The following RDH12 variants were observed in gnomAD, a reference collection of about 807,000 sequenced individuals.
RDH12 encodes retinol dehydrogenase 12, also known as all-trans and 9-cis retinol dehydrogenase.
In RDH12, 21 loss-of-function variants were observed where a neutral mutation model predicts 34.0. The ratio of observed to expected loss-of-function variants is 0.62; its 90% confidence interval spans 0.44 to 0.89. RDH12 has a LOEUF of 0.89. Ranked by LOEUF, RDH12 falls within the 40% of genes least tolerant of loss-of-function variation. RDH12 has a pLI of 0.00. For synonymous variants in RDH12, 198 were observed against 169.9 expected (o/e 1.17, Z -1.29); for missense variants, 394 against 398.6 (o/e 0.99, Z 0.10).
chr14:67,727,615 TG>T (rs538754424), intron 7 of RDH12: 40 of 238,708 alleles, frequency 1.7e-4, no homozygotes, highest in Middle Eastern at 1.6e-3. Context: ...CTTGAGTAGT[TG>T]GGATTACAAG....
At position 67,706,452 on chromosome 14, in the gene RDH12, A is replaced by C. The variant is rs2037951340; in HGVS notation, c.-275+4517A>C. 3.3e-5 allele frequency among the ~76,000 whole-genome samples: 5 copies of C among 152,328 alleles called. No homozygotes were observed. In the South Asian group the frequency reaches 1.0e-3, roughly 32 times the overall value. On this transcript the variant is annotated intron_variant, in intron 1 of 8. Coordinates refer to ENST00000551171, the MANE Select transcript of RDH12 (RefSeq NM_152443.3). ...TGGTCAGAACACAGTTTGGTTTTAT[A>C]CATTCTAGGGAGACACGGGACATCA...
In RDH12 at chr14:67,734,126, G is replaced by A. The variant is rs527417706; in HGVS notation, c.*278G>A. ...AGCAGGACTGGGCAGATCCCAGGCT[G>A]GGCATGGGGGTGGCAGAAGAGCCCG... On this transcript the variant is annotated 3_prime_UTR_variant, in exon 9 of 9. Coordinates refer to ENST00000551171, the MANE Select transcript of RDH12 (RefSeq NM_152443.3). The A allele has an allele frequency of 5.8e-6, 2 of 344,220 alleles. No homozygotes were observed. Among genetic ancestry groups the A allele is most frequent in the African/African-American group, 2.1e-5 (1 of 47,326 alleles). 21.3% of individuals were successfully genotyped at this position (344,220 alleles called of 1,614,324 possible).
At chr14:67,716,433 G>A (rs546660486) in intron 1 of RDH12, among the ~76,000 whole-genome samples, 50 of 152,300 alleles carry the variant, frequency 3.3e-4, no homozygotes, top group Non-Finnish European at 6.3e-4. Context: ...TTAAAAAAGT[G>A]AATATGGCAA....
chr14:67,728,187 G>A (rs2038214704), intron 7 of RDH12: 1 of 152,226 alleles, frequency 6.6e-6, no homozygotes, highest in South Asian at 2.1e-4. Flanking sequence ...ATAAGCCAGA[G>A]TTTGGGAACA....
rs1013883959 is a variant in RDH12, at chr14:67,725,968, G to C, written c.344-83G>C. On this transcript the variant is annotated intron_variant, in intron 5 of 8. Coordinates refer to ENST00000551171, the MANE Select transcript of RDH12 (RefSeq NM_152443.3). ...CAACAAAGACAACTAATGAACAAAG[G>C]GAAAGGGCAATTATGCAGGTCTGTT... The C allele has an allele frequency of 2.3e-5, 21 of 928,438 alleles. No homozygotes were observed. In the East Asian group the frequency reaches 4.6e-4, roughly 20 times the overall value. 57.5% of individuals were successfully genotyped at this position (928,438 alleles called of 1,614,324 possible).
In RDH12 at chr14:67,733,735, C is replaced by G. The variant is rs754471567; in HGVS notation, c.849-11C>G. 5 of 1,588,218 alleles carry G rather than the reference C, an allele frequency of 3.1e-6. No homozygotes were observed. The South Asian group carries it at 4.4e-5, about 14-fold the overall frequency. ...CATTCCTGGAATTTACTGTCTTTCT[C>G]TGCCCTCCAGTGACTGCAAGAGGAC... On this transcript the variant is annotated splice_polypyrimidine_tract_variant and intron_variant, in intron 8 of 8. Coordinates refer to ENST00000551171, the MANE Select transcript of RDH12 (RefSeq NM_152443.3).
chr14:67,731,246 A>C, intron 8 of RDH12, among the ~76,000 whole-genome samples: 1 of 114,066 alleles, frequency 8.8e-6, no homozygotes, highest in African/African-American at 3.5e-5. Flanking sequence ...ACATAGTCTC[A>C]CTCTGTTGCC....
intron 2 of RDH12, 72 bp from the exon 3 acceptor site, chr14:67,722,352 A>T: frequency 1.9e-6 from 1 of 522,292 alleles, no homozygotes. Context: ...TACTTGCTTT[A>T]GTTTCCCCAC....
intron 8 of RDH12, among the ~76,000 whole-genome samples, chr14:67,730,538 C>T (rs1161706285): frequency 3.3e-5 from 5 of 152,146 alleles, no homozygotes; most frequent in African/African-American, 1.2e-4. Context: ...TTGAGATGCT[C>T]AGCTGGTAAG....
At chr14:67,725,741 T>G (rs1416427529) in intron 5 of RDH12, among the ~76,000 whole-genome samples, 1 of 152,182 alleles carries the variant, frequency 6.6e-6, no homozygotes, top group Non-Finnish European at 1.5e-5. Flanking sequence ...GAGTCGGTAG[T>G]TAGTACACAT....
chr14:67,703,309 G>A (rs1247663488), intron 1 of RDH12, among the ~76,000 whole-genome samples: 1 of 152,178 alleles, frequency 6.6e-6, no homozygotes, highest in Non-Finnish European at 1.5e-5. Flanking sequence ...AAGGTAGTTC[G>A]ATGGCAGTTT....
chr14:67,714,703 CAT>C (rs1318946586), intron 1 of RDH12: 3 of 152,836 alleles, frequency 2.0e-5, no homozygotes, highest in African/African-American at 4.8e-5. Context: ...ATGCCCCACA[CAT>C]GTTATCATGG....
At chr14:67,728,159 G>C (rs1310410268) in intron 7 of RDH12, 2 of 152,172 alleles carry the variant, frequency 1.3e-5, no homozygotes, top group African/African-American at 4.8e-5. Flanking sequence ...GGATCTAGGG[G>C]TCCATTTGTT....
At chr14:67,725,316 C>G in intron 5 of RDH12, 62 bp downstream of exon 5, 3 of 1,532,740 alleles carry the variant, frequency 2.0e-6, no homozygotes, top group South Asian at 2.3e-5. Flanking sequence ...CTGCTCCACC[C>G]TAGACCATCT....
At chr14:67,707,826 G>T (rs1288464366) in intron 1 of RDH12, among the ~76,000 whole-genome samples, 1 of 152,120 alleles carries the variant, frequency 6.6e-6, no homozygotes, top group Non-Finnish European at 1.5e-5. Context: ...GGGCTCCTGG[G>T]CCTGTCAGAA....
chr14:67,731,527 T>G (rs1292343552), intron 8 of RDH12, among the ~76,000 whole-genome samples: 1 of 152,006 alleles, frequency 6.6e-6, no homozygotes, highest in Non-Finnish European at 1.5e-5. Flanking sequence ...CCCATCATAT[T>G]TCTATTGGAC....
intron 1 of RDH12, chr14:67,714,813 C>G (rs1345572411): frequency 6.6e-6 from 1 of 152,166 alleles, no homozygotes; most frequent in African/African-American, 2.4e-5. Context: ...GGCCAATAAG[C>G]CCAGGCCTTA....
intron 1 of RDH12, among the ~76,000 whole-genome samples, chr14:67,711,296 T>G (rs2038006538): frequency 6.6e-6 from 1 of 152,242 alleles, no homozygotes; most frequent in South Asian, 2.1e-4. Flanking sequence ...TATGCCAAAT[T>G]TTGACACCTT....
At position 67,727,066 on chromosome 14, in the gene RDH12, C is replaced by T. The variant is rs1160809813; in HGVS notation, c.534C>T (p.His178=). The T allele has an allele frequency of 8.7e-6, 14 of 1,613,990 alleles. No individual in the cohort carries two copies. The highest frequency in any genetic ancestry group is 3.3e-5 in the Admixed American group (2 of 60,014). Reference sequence around the variant, plus strand: ...TGGTTAATGTGTCCTCGGTGGCTCACCACATTGGCAAGATTCCCTTCCACG... The same window carrying T: ...TGGTTAATGTGTCCTCGGTGGCTCATCACATTGGCAAGATTCCCTTCCACG... ...ARVVNVSSVA[H]HIGKIPFHDL... is the part of the protein sequence containing the mutation. The change falls in exon 7 of 9, where the codon CAC becomes CAT. Residue 178 remains histidine, a synonymous_variant. Transcript: ENST00000551171.
Sources: allele counts gnomAD v4.1 joint callset (sites outside exome capture counted in the v4.1 genomes callset), GRCh38; gene constraint gnomAD v4.1.1; transcripts MANE v1.5; gene names NCBI Gene and HGNC (gene_info 2026-07-23, HGNC 2026-07-21).